The following SPIRE1 variants were observed in gnomAD, a reference collection of about 807,000 sequenced individuals.
SPIRE1 encodes the protein spire type actin nucleation factor 1, also known as protein spire homolog 1.
A neutral mutation model predicts 94.1 loss-of-function variants in SPIRE1; 40 were observed. The observed-to-expected ratio is 0.43, with a 90% CI of 0.33 to 0.55. The LOEUF (loss-of-function observed/expected upper bound fraction) is 0.55, where lower values mean the gene tolerates loss of function less well. Among genes scored for constraint, SPIRE1 ranks in the 20% least tolerant of loss-of-function variants. SPIRE1 has a pLI of 0.06. For synonymous variants in SPIRE1, 376 were observed against 371.7 expected, an observed-to-expected ratio of 1.01 and a Z score of -0.13; for missense variants, 838 against 975.2, an observed-to-expected ratio of 0.86 and a Z score of 1.87.
chr18:12,591,968 CAAAAA>C (rs35668057), intron 2 of SPIRE1, among the ~76,000 whole-genome samples: 30 of 67,440 alleles, frequency 4.4e-4, no homozygotes, highest in African/African-American at 1.6e-3. Flanking sequence ...GACTCCATCT[CAAAAA>C]AAAAAAAAAA....
intron 8 of SPIRE1, among the ~76,000 whole-genome samples, chr18:12,486,525 G>C (rs1031060734): frequency 1.3e-5 from 2 of 152,104 alleles, no homozygotes; most frequent in African/African-American, 4.8e-5. Context: ...TCTATTGTAG[G>C]CCATATAACC....
intron 5 of SPIRE1, among the ~76,000 whole-genome samples, chr18:12,511,723 A>ATTTTATT (rs995178531): frequency 6.6e-6 from 1 of 151,972 alleles, no homozygotes; most frequent in Non-Finnish European, 1.5e-5. Context: ...AATGACGAGT[A>ATTTTATT]TTTTATTTTT....
intron 2 of SPIRE1, among the ~76,000 whole-genome samples, chr18:12,582,760 A>G (rs1364574778): frequency 1.3e-5 from 2 of 152,172 alleles, no homozygotes; most frequent in African/African-American, 2.4e-5. Context: ...GATGATTCCA[A>G]TGATCAGCTG....
intron 3 of SPIRE1, among the ~76,000 whole-genome samples, chr18:12,542,326 T>C (rs1051664132): frequency 2.0e-5 from 3 of 152,196 alleles, no homozygotes; most frequent in Admixed American, 6.5e-5. Context: ...GAATCCAGTA[T>C]AGATTTTGTA....
intron 1 of SPIRE1, among the ~76,000 whole-genome samples, chr18:12,645,232 T>C (rs1468594364): frequency 1.3e-5 from 2 of 152,218 alleles, no homozygotes; most frequent in Non-Finnish European, 2.9e-5. Context: ...CAGCTCTTAG[T>C]TCTCTCCATG....
At chr18:12,531,386 C>T (rs2034677613) in intron 4 of SPIRE1, among the ~76,000 whole-genome samples, 2 of 152,238 alleles carry the variant, frequency 1.3e-5, no homozygotes. Context: ...TGCTCAGAAA[C>T]CTACATCAAA....
chr18:12,508,068 C>T (rs1278819461), intron 5 of SPIRE1, among the ~76,000 whole-genome samples: 1 of 152,060 alleles, frequency 6.6e-6, no homozygotes, highest in Non-Finnish European at 1.5e-5. Context: ...ATCGCTTGAA[C>T]CTGGGAGGCG....
At chr18:12,585,223 C>T (rs1567950777) in intron 2 of SPIRE1, among the ~76,000 whole-genome samples, 1 of 152,184 alleles carries the variant, frequency 6.6e-6, no homozygotes, top group Non-Finnish European at 1.5e-5. Flanking sequence ...TACACATACA[C>T]ATATATGTTT....
chr18:12,595,097 G>A (rs978393204), intron 2 of SPIRE1, among the ~76,000 whole-genome samples: 1 of 152,138 alleles, frequency 6.6e-6, no homozygotes, highest in African/African-American at 2.4e-5. Flanking sequence ...GGGCAAAAGA[G>A]TGAGACCCTG....
At chr18:12,508,182 ATAGT>A (rs1314150233) in intron 5 of SPIRE1, among the ~76,000 whole-genome samples, 1 of 152,176 alleles carries the variant, frequency 6.6e-6, no homozygotes, top group Non-Finnish European at 1.5e-5. Context: ...AAGTGACACA[ATAGT>A]TACTTAAATA....
intron 4 of SPIRE1, among the ~76,000 whole-genome samples, chr18:12,515,689 G>T (rs1323558189): frequency 6.6e-6 from 1 of 152,112 alleles, no homozygotes; most frequent in African/African-American, 2.4e-5. Flanking sequence ...CTCAGGAACT[G>T]CCCTTTAGCC....
chr18:12,449,325 A>G lies in SPIRE1; in HGVS notation c.*313T>C. 1.1e-5 allele frequency: 3 copies of G among 284,184 alleles called. No individual in the cohort carries two copies. The highest frequency in any genetic ancestry group is 1.3e-5 in the Non-Finnish European group (2 of 150,416). The allele number at this position is 284,184 out of a possible 1,614,324, so 17.6% of individuals were successfully genotyped here. On this transcript the variant is annotated 3_prime_UTR_variant, in exon 17 of 17. Coordinates refer to ENST00000409402, the MANE Select transcript of SPIRE1 (RefSeq NM_001128626.2). The stretch of plus-strand genomic sequence containing the variant: ...GCTTTTTTTTTTTGCCTTAGTCAGG[A>G]GATTATTCGAGGAACAGTAAAGAAC...
At chr18:12,509,122 C>T (rs1000708330) in intron 5 of SPIRE1, among the ~76,000 whole-genome samples, 1 of 152,186 alleles carries the variant, frequency 6.6e-6, no homozygotes, top group Non-Finnish European at 1.5e-5. Context: ...TAATTTATCC[C>T]TTATCCCATT....
intron 2 of SPIRE1, among the ~76,000 whole-genome samples, chr18:12,632,321 T>C (rs560681712): frequency 2.3e-4 from 35 of 152,204 alleles, no homozygotes; most frequent in African/African-American, 7.9e-4. Context: ...ATAACCACTC[T>C]TGAACCTGGC....
intron 2 of SPIRE1, among the ~76,000 whole-genome samples, chr18:12,601,772 G>A (rs1469498085): frequency 6.6e-6 from 1 of 152,080 alleles, no homozygotes; most frequent in Non-Finnish European, 1.5e-5. Flanking sequence ...CTGTTTTCGA[G>A]GTTCCTCCAT....
At chr18:12,450,222 G>A (rs1192371955) in intron 16 of SPIRE1, among the ~76,000 whole-genome samples, 1 of 151,566 alleles carries the variant, frequency 6.6e-6, no homozygotes, top group African/African-American at 2.4e-5. Context: ...AGCCAGGCAT[G>A]GTGGTGGGCC....
intron 2 of SPIRE1, among the ~76,000 whole-genome samples, chr18:12,593,006 T>G (rs2036575021): frequency 6.6e-6 from 1 of 152,238 alleles, no homozygotes; most frequent in South Asian, 2.1e-4. Flanking sequence ...TAAGTGGTTT[T>G]ACTGTCTAAT....
chr18:12,597,392 G>A (rs11659854), intron 2 of SPIRE1, among the ~76,000 whole-genome samples: 84,974 of 151,750 alleles, frequency 0.56, 24,963 homozygotes, highest in Middle Eastern at 0.76. Context: ...GGTGGGAGAG[G>A]GGCGTTACTT....
At chr18:12,478,709 T>C (rs2032717664) in intron 10 of SPIRE1, among the ~76,000 whole-genome samples, 1 of 152,018 alleles carries the variant, frequency 6.6e-6, no homozygotes, top group Non-Finnish European at 1.5e-5. Flanking sequence ...GAATTTCATT[T>C]TACCTAAGTT....
Sources: allele counts gnomAD v4.1 joint callset (sites outside exome capture counted in the v4.1 genomes callset), GRCh38; gene constraint gnomAD v4.1.1; transcripts MANE v1.5; gene names NCBI Gene and HGNC (gene_info 2026-07-23, HGNC 2026-07-21).